CUL7: variants seen among roughly 807,000 people sequenced by gnomAD.
The protein encoded by CUL7 is cullin-7.
CUL7 carries 96 observed loss-of-function variants against 177.7 expected under a neutral mutation model. The ratio of observed to expected loss-of-function variants is 0.54; its 90% CI spans 0.46 to 0.64. The LOEUF is 0.64. Among genes scored for constraint, CUL7 ranks in the 30% least tolerant of loss-of-function variants. The probability of loss-of-function intolerance (pLI) is 0.00; values close to 1 mark genes in which losing one functional copy is unlikely to be tolerated. For synonymous variants in CUL7, 824 were observed against 890.2 expected (o/e 0.93, Z 1.32); for missense variants, 1,893 against 2,187.9 (o/e 0.87, Z 2.69).
Position 43,052,440 on chromosome 6 carries a change from G to A in CUL7, c.349C>T (p.Leu117Phe), listed in dbSNP as rs1205636289. 1.9e-6 allele frequency: 3 copies of A among 1,613,972 alleles called. No individual in the cohort carries two copies. The highest frequency in any genetic ancestry group is 2.5e-6 in the Non-Finnish European group (3 of 1,179,922). The change falls in exon 2 of 26, where the codon CTC (leucine) becomes TTC (phenylalanine). Residue 117 changes from leucine (L) to phenylalanine (F), a missense_variant. Physicochemically the swap from Leu to Phe is conservative, Grantham distance 22. Around this residue, in one of 5 missense-constraint regions of CUL7, gnomAD observed 653 missense variants for 725.2 expected, o/e 0.90. Transcript: ENST00000265348. This position sits in a 1 kb window ranked among gnomAD's most constrained non-coding sequence, Gnocchi z 4.5. ...AGCTGCCGAAGGGCTCTCTGAATGAGGGACTTCACGTCGGTTTCCATCTCC... is the reference window on the plus strand; with the variant it reads ...AGCTGCCGAAGGGCTCTCTGAATGAAGGACTTCACGTCGGTTTCCATCTCC... ...LEEMETDVKSLIQRALRQLEE... is the reference protein window; with the variant it reads ...LEEMETDVKSFIQRALRQLEE...
At position 43,044,795 on chromosome 6, in the gene CUL7, C is replaced by T. The variant is rs374105452; in HGVS notation, c.3129G>A (p.Trp1043Ter). Residue 1043 changes from tryptophan (W) to a stop codon, truncating the protein, a stop_gained, in exon 16 of 26, where the codon TGG becomes TGA. Coordinates refer to ENST00000265348, the MANE Select transcript of CUL7 (RefSeq NM_014780.5). LOFTEE classifies it high-confidence loss of function. ...EAAQALGKTC[W>*]EALVSPVVQN... is the part of the protein sequence containing the mutation. ...GCACCACGGGGCTGACCAGGGCCTC[C>T]CAGCAGGTCTTGCCCAGAGCTTGGG... 3.7e-6 allele frequency: 6 copies of T among 1,613,400 alleles called. No individual in the cohort carries two copies. Among genetic ancestry groups the T allele is most frequent in the Non-Finnish European group, 5.1e-6 (6 of 1,179,506 alleles).
chr6:43,047,276 C>G (rs1341172425), intron 9 of CUL7, among the ~76,000 whole-genome samples, 169 bp from the exon 10 acceptor site: 1 of 152,124 alleles, frequency 6.6e-6, no homozygotes, highest in Non-Finnish European at 1.5e-5. Context: ...ACACAAGAGC[C>G]AGGTGGTTAG....
Position 43,046,520 on chromosome 6 carries a change from G to A in CUL7, c.2479C>T (p.Leu827=). The A allele has an allele frequency of 6.2e-7, 1 of 1,614,198 alleles. No individual in the cohort carries two copies. Among genetic ancestry groups the A allele is most frequent in the South Asian group, 1.1e-5 (1 of 91,092 alleles). ...GGCAACAGGCACGAACCCTGGCACA[G>A]GTATCTGAGGAACACATCAAAGAAA... ...IPFFDVFLRY[L]CQGSSVEVKE... The change falls in exon 11 of 26, where the codon CTG becomes TTG. Residue 827 remains leucine, a synonymous_variant. Transcript: ENST00000265348.
At chr6:43,039,145 AG>A (rs1763199884) in intron 22 of CUL7, among the ~76,000 whole-genome samples, 158 bp from the exon 23 acceptor site, 1 of 152,218 alleles carries the variant, frequency 6.6e-6, no homozygotes, top group Non-Finnish European at 1.5e-5. Context: ...TCCAGATCTC[AG>A]CCTTCTCTGG....
chr6:43,046,736 G>A (rs1409979832), intron 10 of CUL7, 135 bp from the exon 11 acceptor site: 5 of 1,405,002 alleles, frequency 3.6e-6, no homozygotes, highest in Middle Eastern at 3.5e-4. Flanking sequence ...GCCCAGATGG[G>A]GCAGAGGGGA....
rs1255747237 is a variant in CUL7, at chr6:43,052,750, G to A, written c.39C>T (p.Pro13=). 18 of 1,609,762 alleles carry A rather than the reference G, an allele frequency of 1.1e-5. No homozygotes were observed. In the Admixed American group the frequency reaches 2.5e-4, roughly 22 times the overall value. The change falls in exon 2 of 26, where the codon CCC becomes CCT. Residue 13 remains proline, a synonymous_variant. Transcript: ENST00000265348. This position sits in a 1 kb window ranked among gnomAD's most constrained non-coding sequence, Gnocchi z 4.5. The part of the protein sequence containing the change: ...GELRYREFRV[P]LGPGLHAYPD... ...GATAGGCATGTAAGCCGGGCCCCAG[G>A]GGCACCCTGAATTCCCTGTAGCGGA...
At chr6:43,039,879 C>T (rs1012278415) in intron 22 of CUL7, among the ~76,000 whole-genome samples, 2 of 151,814 alleles carry the variant, frequency 1.3e-5, no homozygotes, top group African/African-American at 4.8e-5. Context: ...GCTGGGACTA[C>T]AGGCACACAC....
Position 43,050,918 on chromosome 6 carries a change from C to G in CUL7, c.1233+50G>C, listed in dbSNP as rs1561893849. 6.2e-7 allele frequency: 1 copy of G among 1,608,782 alleles called. No individual in the cohort carries two copies. Among genetic ancestry groups the G allele is most frequent in the Non-Finnish European group, 8.5e-7 (1 of 1,178,848 alleles). On this transcript the variant is annotated intron_variant, in intron 4 of 25. Transcript: ENST00000265348. The surrounding 1 kb of genome is among the most constrained non-coding windows in gnomAD (Gnocchi z 4.1). ...CCCCATATAGAAGTCCCAGCTCTGC[C>G]CTACCCCAAATAGACCCCCAACAGT...
Position 43,045,671 on chromosome 6 carries a change from C to A in CUL7, c.2778G>T (p.Met926Ile). Residue 926 changes from methionine to isoleucine, a missense_variant, in exon 14 of 26, where the codon ATG (methionine) becomes ATT (isoleucine). Coordinates refer to ENST00000265348, the MANE Select transcript of CUL7 (RefSeq NM_014780.5). This position sits in a 1 kb window ranked among gnomAD's most constrained non-coding sequence, Gnocchi z 4.8. Reference sequence around the variant, plus strand: ...GGAGGATCACCCGGCTGGCAGAGGGCATCACATTCACCTGGCAGGGGGCAG... The same window carrying A: ...GGAGGATCACCCGGCTGGCAGAGGGAATCACATTCACCTGGCAGGGGGCAG... ...LHTELNSVNVMPSASRVILLE... is the reference protein window; with the variant it reads ...LHTELNSVNVIPSASRVILLE... 1 of 1,614,196 alleles carries A rather than the reference C, an allele frequency of 6.2e-7. No homozygotes were observed. Among genetic ancestry groups the A allele is most frequent in the Non-Finnish European group, 8.5e-7 (1 of 1,180,030 alleles).
chr6:43,043,348 G>A lies in CUL7; in HGVS notation c.3355+100C>T, dbSNP rs970472406. 3.8e-6 allele frequency: 5 copies of A among 1,304,886 alleles called. No homozygotes were observed. In the African/African-American group the frequency reaches 7.3e-5, roughly 19 times the overall value. 80.8% of individuals were successfully genotyped at this position (1,304,886 alleles called of 1,614,324 possible). On this transcript the variant is annotated intron_variant, in intron 17 of 25. Coordinates refer to ENST00000265348, the MANE Select transcript of CUL7 (RefSeq NM_014780.5). This position sits in a 1 kb window ranked among gnomAD's most constrained non-coding sequence, Gnocchi z 4.2. ...GAAGATGAACAGGCTGAGCCCATAGGGAGGGGAAGGATGGGGATGGACAGA... is the reference window on the plus strand; with the variant it reads ...GAAGATGAACAGGCTGAGCCCATAGAGAGGGGAAGGATGGGGATGGACAGA...
At position 43,046,255 on chromosome 6, in the gene CUL7, G is replaced by C; in HGVS notation, c.2641C>G (p.Arg881Gly). 6.2e-7 allele frequency: 1 copy of C among 1,614,228 alleles called. No homozygotes were observed. Among genetic ancestry groups the C allele is most frequent in the South Asian group, 1.1e-5 (1 of 91,090 alleles). The change falls in exon 12 of 26, where the codon CGC becomes GGC. Residue 881 changes from arginine to glycine, a missense_variant. By Grantham distance (125) the Arg-to-Gly change is moderately radical. Coordinates refer to ENST00000265348, the MANE Select transcript of CUL7 (RefSeq NM_014780.5). ...AGTTACCTGATGAGGATGCCCCGGC[G>C]CATGTGCAGGGTGATGTAGTGGGAG... ...AGSHYITLHM[R>G]RGILIRQLTL... is the part of the protein sequence containing the mutation.
chr6:43,039,510 C>T (rs1330131242), intron 22 of CUL7, among the ~76,000 whole-genome samples: 1 of 152,018 alleles, frequency 6.6e-6, no homozygotes, highest in Middle Eastern at 3.2e-3. Context: ...CTCCATCCTC[C>T]CCGTCACCCA....
At position 43,045,489 on chromosome 6, in the gene CUL7, C is replaced by G; in HGVS notation, c.2863-87G>C. ...ACGCCCTCGAACCTCACCCCTGGAG[C>G]TGCTCGAGACCCAGGCTGGTCCTCT... On this transcript the variant is annotated intron_variant, in intron 14 of 25. Coordinates refer to ENST00000265348, the MANE Select transcript of CUL7 (RefSeq NM_014780.5). This position sits in a 1 kb window ranked among gnomAD's most constrained non-coding sequence, Gnocchi z 4.8. 1 of 1,613,410 alleles carries G rather than the reference C, an allele frequency of 6.2e-7. No homozygotes were observed. Among genetic ancestry groups the G allele is most frequent in the Non-Finnish European group, 8.5e-7 (1 of 1,179,446 alleles).
chr6:43,050,549 TACACACACACACAC>T lies in CUL7; in HGVS notation c.1234-165_1234-152del, dbSNP rs58059598. 0.013 allele frequency: 5,367 copies of T among 418,670 alleles called. 57 individuals carry two copies. The highest frequency in any genetic ancestry group is 0.044 in the African/African-American group (1,907 of 42,992). The allele number at this position is 418,670 out of a possible 1,614,324, so 25.9% of individuals were successfully genotyped here. A position where few individuals can be genotyped will look rare whatever the true frequency, so the allele number is the denominator to read the frequency against. On this transcript the variant is annotated intron_variant, in intron 4 of 25. Transcript: ENST00000265348. This position sits in a 1 kb window ranked among gnomAD's most constrained non-coding sequence, Gnocchi z 4.1. Reference sequence around the variant, plus strand: ...TAACAAAACAGCAGCATATGGAGAATACACACACACACACACACACACACACACACACACACACA... The same window carrying T: ...TAACAAAACAGCAGCATATGGAGAATACACACACACACACACACACACACA...
In CUL7 at chr6:43,051,095, T is replaced by C. The variant is rs747356493; in HGVS notation, c.1106A>G (p.Tyr369Cys). The change falls in exon 4 of 26, where the codon TAT (tyrosine) becomes TGT (cysteine). Residue 369 changes from tyrosine (Y) to cysteine (C), a missense_variant. Physicochemically the swap from Tyr to Cys is radical, Grantham distance 194. Transcript: ENST00000265348. This position sits in a 1 kb window ranked among gnomAD's most constrained non-coding sequence, Gnocchi z 5.0. Reference protein sequence around the residue: ...PRSEFASGNTYALYVRDTLQP... With the variant: ...PRSEFASGNTCALYVRDTLQP... ...CAGTGTGTCCCGCACATACAAAGCA[T>C]AGGTATTGCCACTTGCGAACTCAGA... 8.7e-6 allele frequency: 14 copies of C among 1,614,028 alleles called. No individual in the cohort carries two copies. The highest frequency in any genetic ancestry group is 2.2e-5 in the East Asian group (1 of 44,884).
At chr6:43,041,701 GGGGAA>G (rs1461355006) in intron 19 of CUL7, among the ~76,000 whole-genome samples, 73 of 148,046 alleles carry the variant, frequency 4.9e-4, no homozygotes, top group African/African-American at 1.6e-3. Flanking sequence ...GGGAAGGGAA[GGGGAA>G]GGGAAGGGAA....
In CUL7 at chr6:43,047,152, G is replaced by A. The variant is rs753074165; in HGVS notation, c.2170-45C>T. 7.3e-6 allele frequency: 8 copies of A among 1,101,740 alleles called. No homozygotes were observed. In the South Asian group the frequency reaches 7.4e-5, roughly 10 times the overall value. 68.2% of individuals were successfully genotyped at this position (1,101,740 alleles called of 1,614,324 possible). A position where few individuals can be genotyped will look rare whatever the true frequency, so the allele number is the denominator to read the frequency against. ...AGGAGATGAATGAAGACAGGGCGAG[G>A]GCCACAAGGGCACCTGCAGTAGCAG... On this transcript the variant is annotated intron_variant, in intron 9 of 25. Coordinates refer to ENST00000265348, the MANE Select transcript of CUL7 (RefSeq NM_014780.5).
intron 9 of CUL7, chr6:43,047,899 C>G (rs983972055): frequency 2.3e-5 from 13 of 554,142 alleles, no homozygotes; most frequent in Non-Finnish European, 3.9e-5. Flanking sequence ...TGTGGGGGAC[C>G]CTGGGGGAAC....
At position 43,038,273 on chromosome 6, in the gene CUL7, G is replaced by A; in HGVS notation, c.4767C>T (p.Val1589=). The change falls in exon 25 of 26, where the codon GTC becomes GTT. Residue 1589 remains valine, a synonymous_variant. Coordinates refer to ENST00000265348, the MANE Select transcript of CUL7 (RefSeq NM_014780.5). Reference sequence around the variant, plus strand: ...TGTGCCCACCCCTGCCTACCAGACAGACAAGCTGGTCAATGTGCAGCCCCT... The same window carrying A: ...TGTGCCCACCCCTGCCTACCAGACAAACAAGCTGGTCAATGTGCAGCCCCT... ...GDEGLHIDQL[V]CLVLEAWQKG... The A allele has an allele frequency of 1.2e-6, 2 of 1,614,154 alleles. No individual in the cohort carries two copies. The highest frequency in any genetic ancestry group is 1.1e-5 in the South Asian group (1 of 91,086).
Sources: gnomAD v4.1 joint callset for allele counts (sites outside exome capture counted in the v4.1 genomes callset) on GRCh38, gnomAD v4.1.1 for gene constraint, gnomAD v4.1.1 regional missense constraint, Gnocchi (gnomAD v3.1) non-coding constraint, MANE v1.5 for transcripts, NCBI Gene and HGNC (gene_info 2026-07-23, HGNC 2026-07-21) for gene names.